Variants in WWOX observed in about 807,000 individuals in gnomAD.
The protein encoded by WWOX is WW domain-containing oxidoreductase.
A neutral mutation model predicts 46.2 loss-of-function variants in WWOX; 69 were observed. That is an observed-to-expected ratio of 1.49 (90% confidence interval 1.23 to 1.82). The LOEUF (loss-of-function observed/expected upper bound fraction) is 1.82, where lower values mean the gene tolerates loss of function less well. Among genes scored for constraint, WWOX ranks in the 40% most tolerant of loss-of-function variants. The pLI, the probability that WWOX is intolerant of heterozygous loss-of-function variation, is 0.00. For synonymous variants in WWOX, 359 were observed against 202.6 expected (o/e 1.77, Z -6.56); for missense variants, 919 against 542.6 (o/e 1.69, Z -6.89).
At chr16:79,117,680 A>G (rs2049544414) in intron 8 of WWOX, among the ~76,000 whole-genome samples, 2 of 152,228 alleles carry the variant, frequency 1.3e-5, no homozygotes, top group Non-Finnish European at 1.5e-5. Context: ...TAGTGGTCTT[A>G]TCTAGATCTT....
At chr16:78,305,089 G>T (rs887186272) in intron 5 of WWOX, among the ~76,000 whole-genome samples, 3 of 152,050 alleles carry the variant, frequency 2.0e-5, no homozygotes, top group Non-Finnish European at 4.4e-5. Context: ...TCTGAATTCT[G>T]TCTTTTCTGC....
At chr16:78,849,634 C>T (rs1316015973) in intron 8 of WWOX, among the ~76,000 whole-genome samples, 2 of 150,694 alleles carry the variant, frequency 1.3e-5, no homozygotes, top group African/African-American at 4.9e-5. Flanking sequence ...CCTTCCTTGG[C>T]AAACTTTGAT....
chr16:78,470,168 C>G (rs974149564), intron 8 of WWOX, among the ~76,000 whole-genome samples: 1 of 152,186 alleles, frequency 6.6e-6, no homozygotes, highest in Non-Finnish European at 1.5e-5. Flanking sequence ...TCCAGCACTG[C>G]CCTGCTGTTG....
chr16:78,633,500 C>G (rs2046490400), intron 8 of WWOX, among the ~76,000 whole-genome samples: 1 of 152,164 alleles, frequency 6.6e-6, no homozygotes, highest in African/African-American at 2.4e-5. Context: ...TTGGTTAGGT[C>G]CTGCCCGTGT....
chr16:78,681,415 ACAAAG>A (rs1478500066), intron 8 of WWOX, among the ~76,000 whole-genome samples: 4 of 152,160 alleles, frequency 2.6e-5, no homozygotes, highest in African/African-American at 4.8e-5. Context: ...AAAAACCAAA[ACAAAG>A]GTCAATTTTT....
intron 8 of WWOX, among the ~76,000 whole-genome samples, chr16:78,923,442 C>T (rs998440415): frequency 1.3e-5 from 2 of 152,076 alleles, no homozygotes; most frequent in Middle Eastern, 3.2e-3. Context: ...ATTTTTTGAG[C>T]CTACCTTTCC....
At position 78,413,226 on chromosome 16, in the gene WWOX, A is replaced by C. The variant is rs148842593; in HGVS notation, c.606-11644A>C. 9.2e-5 allele frequency among the ~76,000 whole-genome samples: 14 copies of C among 152,294 alleles called. No homozygotes were observed. The East Asian group carries it at 2.7e-3, about 29-fold the overall frequency. On this transcript the variant is annotated intron_variant, in intron 6 of 8. Transcript: ENST00000566780. ...TTCAGGGATCGGAGTCTTTAAGGAG[A>C]AATGTGGTGGATAGGGAGCCAGTGA...
In WWOX at chr16:78,612,129, C is replaced by G. The variant is rs188029911; in HGVS notation, c.1056+179377C>G. 2.0e-5 allele frequency among the ~76,000 whole-genome samples: 3 copies of G among 152,322 alleles called. No individual in the cohort carries two copies. The East Asian group carries it at 5.8e-4, about 29-fold the overall frequency. Reference sequence around the variant, plus strand: ...AATGAGGAAACTTGTATTACCTACTCCTTTGGGCCAGAATTTGCTTACAGC... The same window carrying G: ...AATGAGGAAACTTGTATTACCTACTGCTTTGGGCCAGAATTTGCTTACAGC... On this transcript the variant is annotated intron_variant, in intron 8 of 8. Coordinates refer to ENST00000566780, the MANE Select transcript of WWOX (RefSeq NM_016373.4).
intron 8 of WWOX, among the ~76,000 whole-genome samples, chr16:78,928,863 T>G (rs1434115615): frequency 1.3e-5 from 2 of 152,158 alleles, no homozygotes; most frequent in East Asian, 3.9e-4. Context: ...TATAATGTGT[T>G]TTGACTGTAG....
chr16:78,568,421 T>G (rs942741797), intron 8 of WWOX, among the ~76,000 whole-genome samples: 4 of 151,706 alleles, frequency 2.6e-5, no homozygotes, highest in Admixed American at 6.6e-5. Flanking sequence ...TGCTAACCAC[T>G]GCTTTCCAAG....
chr16:78,211,010 A>G (rs2036543189), intron 5 of WWOX, among the ~76,000 whole-genome samples: 1 of 152,142 alleles, frequency 6.6e-6, no homozygotes, highest in South Asian at 2.1e-4. Context: ...CATTCTCTTC[A>G]CTGATAAATC....
intron 4 of WWOX, among the ~76,000 whole-genome samples, chr16:78,148,340 C>T (rs898682815): frequency 2.6e-5 from 4 of 152,082 alleles, no homozygotes; most frequent in Admixed American, 2.0e-4. Context: ...GGTTAGTTAA[C>T]AAAAGGATTG....
chr16:78,458,351 C>T (rs572107068), intron 8 of WWOX, among the ~76,000 whole-genome samples: 141 of 151,760 alleles, frequency 9.3e-4, no homozygotes, highest in Non-Finnish European at 1.7e-3. Flanking sequence ...GTCTTGACCT[C>T]CCAGGCTCAA....
chr16:79,183,198 T>C (rs1473513354), intron 8 of WWOX, among the ~76,000 whole-genome samples: 3 of 152,324 alleles, frequency 2.0e-5, no homozygotes, highest in African/African-American at 7.2e-5. Flanking sequence ...GGGCTAGCCT[T>C]GCCCACTGTC....
intron 8 of WWOX, among the ~76,000 whole-genome samples, chr16:78,505,782 C>G (rs1288289763): frequency 2.0e-5 from 3 of 152,126 alleles, no homozygotes; most frequent in African/African-American, 7.2e-5. Flanking sequence ...GCAACTAGTT[C>G]CAGCTGGCCC....
At chr16:78,421,439 T>C (rs1667210275) in intron 6 of WWOX, among the ~76,000 whole-genome samples, 1 of 152,204 alleles carries the variant, frequency 6.6e-6, no homozygotes, top group African/African-American at 2.4e-5. Context: ...AGGATAGGCC[T>C]GTCATTGGAT....
At chr16:78,890,693 C>G (rs1223135410) in intron 8 of WWOX, 1 of 152,216 alleles carries the variant, frequency 6.6e-6, no homozygotes, top group Admixed American at 6.5e-5. Flanking sequence ...TCTGAGCGTG[C>G]CTTGTCTATG....
At chr16:78,611,471 G>T (rs1291742586) in intron 8 of WWOX, among the ~76,000 whole-genome samples, 1 of 152,172 alleles carries the variant, frequency 6.6e-6, no homozygotes, top group Non-Finnish European at 1.5e-5. Flanking sequence ...TCATATGACT[G>T]CCCTGCCTCC....
chr16:78,647,156 C>G (rs1157428779), intron 8 of WWOX, among the ~76,000 whole-genome samples: 1 of 152,140 alleles, frequency 6.6e-6, no homozygotes, highest in South Asian at 2.1e-4. Context: ...TAGCTGGGGA[C>G]ATCCTTGAAT....
Sources: allele counts gnomAD v4.1 joint callset (sites outside exome capture counted in the v4.1 genomes callset), GRCh38; gene constraint gnomAD v4.1.1; transcripts MANE v1.5; gene names NCBI Gene and HGNC (gene_info 2026-07-23, HGNC 2026-07-21).